The following EYS variants were observed in gnomAD, a reference collection of about 807,000 sequenced individuals.
EYS encodes the protein EGF-like photoreceptor maintenance factor.
Under a neutral mutation model 282.1 loss-of-function variants are expected in EYS, and 250 were observed. That is an observed-to-expected ratio of 0.89 (90% CI 0.80 to 0.98). The LOEUF is 0.98. EYS is among the 50% of genes least tolerant of loss of function. EYS has a pLI of 0.00. For missense variants in EYS, 4,016 were observed against 3,709.0 expected, an observed-to-expected ratio of 1.08 and a Z score of -2.15; for synonymous variants, 1,355 against 1,282.9, an observed-to-expected ratio of 1.06 and a Z score of -1.20.
chr6:65,506,460 CT>C (rs58326040), intron 2 of EYS, among the ~76,000 whole-genome samples: 1 of 64,892 alleles, frequency 1.5e-5, no homozygotes, highest in Non-Finnish European at 2.8e-5. Flanking sequence ...TCCTTCCTTT[CT>C]TTTTTTTTTT....
intron 12 of EYS, among the ~76,000 whole-genome samples, chr6:65,209,991 A>G (rs1766134577): frequency 6.6e-6 from 1 of 152,006 alleles, no homozygotes; most frequent in African/African-American, 2.4e-5. Context: ...GAGCAGTGGG[A>G]AGTAATGAAA....
chr6:64,980,243 G>T (rs1770609821), intron 14 of EYS, among the ~76,000 whole-genome samples: 2 of 151,438 alleles, frequency 1.3e-5, no homozygotes, highest in African/African-American at 4.8e-5. Context: ...ATGAAGAAAT[G>T]ATCTCAGTTT....
At chr6:63,958,605 G>C (rs976672461) in intron 35 of EYS, among the ~76,000 whole-genome samples, 1 of 152,332 alleles carries the variant, frequency 6.6e-6, no homozygotes, top group Admixed American at 6.5e-5. Context: ...AGCGAAAGCA[G>C]CCTTATATTG....
At chr6:63,860,655 C>T (rs1490376784) in intron 36 of EYS, among the ~76,000 whole-genome samples, 3 of 152,210 alleles carry the variant, frequency 2.0e-5, no homozygotes, top group African/African-American at 7.2e-5. Context: ...ACTAGATCTT[C>T]TCTCCTATTT....
chr6:64,119,899 C>A (rs1773518982), intron 31 of EYS, among the ~76,000 whole-genome samples: 1 of 152,126 alleles, frequency 6.6e-6, no homozygotes, highest in Non-Finnish European at 1.5e-5. Context: ...AAAATCAGTT[C>A]TTTTTCCATG....
chr6:65,571,033 T>C (rs1304989725), intron 2 of EYS, among the ~76,000 whole-genome samples: 2 of 152,096 alleles, frequency 1.3e-5, no homozygotes, highest in Non-Finnish European at 2.9e-5. Flanking sequence ...TACTGAATAA[T>C]TGCTTTGGTG....
At chr6:64,189,261 T>G (rs1765036371) in intron 31 of EYS, among the ~76,000 whole-genome samples, 1 of 152,158 alleles carries the variant, frequency 6.6e-6, no homozygotes, top group Non-Finnish European at 1.5e-5. Context: ...GAAGCAGGAG[T>G]GAGCAAACAA....
At chr6:63,997,157 A>G (rs896329206) in intron 34 of EYS, among the ~76,000 whole-genome samples, 1 of 152,160 alleles carries the variant, frequency 6.6e-6, no homozygotes, top group Non-Finnish European at 1.5e-5. Context: ...TTCAGTTCTT[A>G]TATCTTTATT....
chr6:64,086,658 A>C (rs145161083), intron 31 of EYS, among the ~76,000 whole-genome samples: 55 of 152,294 alleles, frequency 3.6e-4, no homozygotes, highest in African/African-American at 1.3e-3. Context: ...TCCTCAAAGC[A>C]TTGTATCCGC....
At chr6:63,895,785 G>C (rs1192916569) in intron 35 of EYS, among the ~76,000 whole-genome samples, 1 of 151,970 alleles carries the variant, frequency 6.6e-6, no homozygotes, top group Non-Finnish European at 1.5e-5. Flanking sequence ...TGTAGTCCTA[G>C]TTCCCACCCA....
intron 35 of EYS, among the ~76,000 whole-genome samples, chr6:63,979,218 G>GT (rs992626166): frequency 1.3e-5 from 2 of 151,930 alleles, no homozygotes; most frequent in African/African-American, 4.8e-5. Context: ...ATATCCATTT[G>GT]TTTACATTTT....
At chr6:63,870,547 T>G (rs1772776394) in intron 35 of EYS, among the ~76,000 whole-genome samples, 1 of 152,226 alleles carries the variant, frequency 6.6e-6, no homozygotes, top group Non-Finnish European at 1.5e-5. Context: ...TTTTGCAGTT[T>G]CTCACTTATT....
chr6:65,677,445 G>C (rs561664075), intron 1 of EYS, among the ~76,000 whole-genome samples: 1 of 151,798 alleles, frequency 6.6e-6, no homozygotes, highest in East Asian at 1.9e-4. Context: ...TGAAAAATAA[G>C]TTAAAAACAA....
chr6:64,147,309 G>A (rs1435315761), intron 31 of EYS, among the ~76,000 whole-genome samples: 1 of 152,056 alleles, frequency 6.6e-6, no homozygotes, highest in African/African-American at 2.4e-5. Context: ...TTTAGAAGGT[G>A]TAATACAACA....
intron 19 of EYS, among the ~76,000 whole-genome samples, chr6:64,868,687 A>T (rs1766497451): frequency 6.6e-6 from 1 of 151,532 alleles, no homozygotes; most frequent in African/African-American, 2.4e-5. Flanking sequence ...ATATTCAGAA[A>T]AGTTCAAAGA....
chr6:65,296,014 C>A lies in EYS; in HGVS notation c.1872G>T (p.Ser624=), dbSNP rs148411571. The A allele has an allele frequency of 6.4e-7, 1 of 1,551,116 alleles. No homozygotes were observed. Among genetic ancestry groups the A allele is most frequent in the African/African-American group, 1.4e-5 (1 of 73,082 alleles). ...ISVHGLCLAL[S]HNCNCSGLQR... Reference sequence around the variant, plus strand: ...GCAGACCGCTACAGTTACAATTGTGCGAAAGGGCCAGGCAGAGGCCATGCA... The same window carrying A: ...GCAGACCGCTACAGTTACAATTGTGAGAAAGGGCCAGGCAGAGGCCATGCA... Residue 624 remains serine, a synonymous_variant, in exon 12 of 43, where the codon TCG becomes TCT. Coordinates refer to ENST00000503581, the MANE Select transcript of EYS (RefSeq NM_001142800.2).
intron 2 of EYS, among the ~76,000 whole-genome samples, chr6:65,567,485 T>C (rs1341297888): frequency 1.3e-5 from 2 of 151,692 alleles, no homozygotes; most frequent in African/African-American, 4.8e-5. Context: ...CTAAAAAGAG[T>C]AGGTAATAAA....
intron 30 of EYS, among the ~76,000 whole-genome samples, chr6:64,256,886 A>T (rs1767420484): frequency 6.6e-6 from 1 of 152,070 alleles, no homozygotes; most frequent in Non-Finnish European, 1.5e-5. Flanking sequence ...ACGGATAACA[A>T]GAAAAAAATA....
intron 2 of EYS, among the ~76,000 whole-genome samples, chr6:65,615,593 TC>T (rs554583301): frequency 1.3e-5 from 2 of 151,480 alleles, no homozygotes; most frequent in East Asian, 3.9e-4. Flanking sequence ...AAGTATGTTT[TC>T]CCCCAGGGCA....
Sources: allele counts gnomAD v4.1 joint callset (sites outside exome capture counted in the v4.1 genomes callset), GRCh38; gene constraint gnomAD v4.1.1; transcripts MANE v1.5; gene names NCBI Gene and HGNC (gene_info 2026-07-23, HGNC 2026-07-21).